CYTH3: variants seen among roughly 807,000 people sequenced by gnomAD.
CYTH3 encodes cytohesin 3, also known as cytohesin-3.
CYTH3 carries 23 observed loss-of-function variants against 55.1 expected under a neutral mutation model. The ratio of observed to expected loss-of-function variants is 0.42; its 90% CI spans 0.30 to 0.59. CYTH3 has a LOEUF of 0.59. Among genes scored for constraint, CYTH3 ranks in the 20% least tolerant of loss-of-function variants. CYTH3 has a pLI of 0.20. For synonymous variants in CYTH3, 249 were observed against 194.9 expected (o/e 1.28, Z -2.31); for missense variants, 413 against 524.8 (o/e 0.79, Z 2.08).
chr7:6,214,069 G>C (rs187633208), intron 1 of CYTH3, among the ~76,000 whole-genome samples: 168 of 152,220 alleles, frequency 1.1e-3, no homozygotes, highest in African/African-American at 3.9e-3. Context: ...GCCCATCTTG[G>C]ACCACACAAA....
chr7:6,196,522 C>A (rs565419956), intron 1 of CYTH3, among the ~76,000 whole-genome samples: 1 of 141,454 alleles, frequency 7.1e-6, no homozygotes, highest in African/African-American at 2.7e-5. Context: ...TGCAATGGCA[C>A]AATCTCAGCT....
intron 1 of CYTH3, among the ~76,000 whole-genome samples, chr7:6,240,773 T>C (rs71531368): frequency 0.051 from 7,714 of 152,166 alleles, 286 homozygotes; most frequent in Non-Finnish European, 0.077. Context: ...TTTATAATCT[T>C]AGAATGGCCT....
intron 6 of CYTH3, chr7:6,173,192 G>T: frequency 2.2e-6 from 1 of 447,538 alleles, no homozygotes; most frequent in Non-Finnish European, 3.0e-6. Context: ...CGTGCAGGAA[G>T]GGCAGCTCAA....
At chr7:6,272,389 C>A in intron 1 of CYTH3, 85 bp downstream of exon 1, 1 of 1,208,848 alleles carries the variant, frequency 8.3e-7, no homozygotes, top group South Asian at 2.5e-5. Context: ...CCGGCGAACC[C>A]CGGCCCAGCG....
chr7:6,165,149 T>G (rs1016277369), intron 12 of CYTH3, 124 bp downstream of exon 12: 8 of 1,553,264 alleles, frequency 5.2e-6, no homozygotes, highest in African/African-American at 1.4e-5. Flanking sequence ...AGCCCGGCCC[T>G]CTGGGGTTTC....
chr7:6,214,878 G>C (rs191942218), intron 1 of CYTH3, among the ~76,000 whole-genome samples: 2 of 152,148 alleles, frequency 1.3e-5, no homozygotes, highest in Admixed American at 6.5e-5. Context: ...CACAGGCAAA[G>C]AGCTGCCTAG....
chr7:6,228,793 T>C (rs1187492950), intron 1 of CYTH3, among the ~76,000 whole-genome samples: 2 of 152,230 alleles, frequency 1.3e-5, no homozygotes, highest in Non-Finnish European at 2.9e-5. Flanking sequence ...AATCCGCCCC[T>C]TTTTAAATAG....
intron 1 of CYTH3, among the ~76,000 whole-genome samples, chr7:6,263,221 C>T (rs926223996): frequency 1.3e-5 from 2 of 152,128 alleles, no homozygotes; most frequent in Non-Finnish European, 2.9e-5. Context: ...TATAAAGCAA[C>T]ACAAATTAAA....
At chr7:6,182,221 T>C (rs1783522501) in intron 4 of CYTH3, among the ~76,000 whole-genome samples, 1 of 152,166 alleles carries the variant, frequency 6.6e-6, no homozygotes, top group Non-Finnish European at 1.5e-5. Context: ...CTAATTTTTT[T>C]CTATTTTTAG....
chr7:6,170,119 G>C lies in CYTH3; in HGVS notation c.823+416C>G, dbSNP rs1783131512. On this transcript the variant is annotated intron_variant, in intron 9 of 12. Transcript: ENST00000350796. The surrounding 1 kb of genome is among the most constrained non-coding windows in gnomAD (Gnocchi z 7.8). ...AGCAGGGACAGCCCGTCACAGAACA[G>C]AAAGGTGGGAGCCACAGGCAGAAGG... 1 of 184,116 alleles carries C rather than the reference G, an allele frequency of 5.4e-6. No individual in the cohort carries two copies. 11.4% of individuals were successfully genotyped at this position (184,116 alleles called of 1,614,324 possible). A position where few individuals can be genotyped will look rare whatever the true frequency, so the allele number is the denominator to read the frequency against.
chr7:6,259,757 T>TTATATATATATATATAATA, intron 1 of CYTH3, among the ~76,000 whole-genome samples: 2 of 37,464 alleles, frequency 5.3e-5, no homozygotes, highest in East Asian at 1.2e-3. Flanking sequence ...TATATATATA[T>TTATATATATATATATAATA]TATATATATA....
intron 1 of CYTH3, among the ~76,000 whole-genome samples, chr7:6,223,524 T>C (rs187251773): frequency 4.7e-4 from 72 of 152,348 alleles, no homozygotes; most frequent in African/African-American, 1.6e-3. Context: ...TGTTAATCTA[T>C]AACCTTACCC....
chr7:6,203,401 G>A (rs983517878), intron 1 of CYTH3, among the ~76,000 whole-genome samples: 2 of 151,950 alleles, frequency 1.3e-5, no homozygotes, highest in Non-Finnish European at 2.9e-5. Context: ...ACTCCTTAAC[G>A]TTTCATGCAA....
At chr7:6,191,143 T>C (rs995537103) in intron 1 of CYTH3, among the ~76,000 whole-genome samples, 16 of 149,280 alleles carry the variant, frequency 1.1e-4, no homozygotes, top group African/African-American at 3.9e-4. Context: ...ACAAATAAAA[T>C]GATGACTATG....
At chr7:6,200,071 G>A (rs1447007204) in intron 1 of CYTH3, among the ~76,000 whole-genome samples, 1 of 152,114 alleles carries the variant, frequency 6.6e-6, no homozygotes, top group Non-Finnish European at 1.5e-5. Flanking sequence ...TTAATTTCAG[G>A]CAGTTTAAAA....
At chr7:6,235,931 G>T (rs183582719) in intron 1 of CYTH3, among the ~76,000 whole-genome samples, 2 of 152,328 alleles carry the variant, frequency 1.3e-5, no homozygotes, top group East Asian at 1.9e-4. Context: ...TTGCTGTAAA[G>T]AAATTATTTT....
At chr7:6,227,471 AAACT>A (rs1369587661) in intron 1 of CYTH3, among the ~76,000 whole-genome samples, 16 of 152,210 alleles carry the variant, frequency 1.1e-4, no homozygotes, top group Admixed American at 9.8e-4. Context: ...AAAAATCATT[AAACT>A]AAGAATAGAA....
At chr7:6,176,903 T>G (rs1783365766) in intron 5 of CYTH3, among the ~76,000 whole-genome samples, 1 of 152,214 alleles carries the variant, frequency 6.6e-6, no homozygotes, top group African/African-American at 2.4e-5. Context: ...TGTCTTAGCT[T>G]TTTAAGTGTT....
chr7:6,168,640 G>A (rs758967639), intron 9 of CYTH3, among the ~76,000 whole-genome samples: 14 of 152,318 alleles, frequency 9.2e-5, no homozygotes, highest in South Asian at 8.3e-4. Flanking sequence ...GGGCCCCTGC[G>A]CTTGGCACCC....
Sources: gnomAD v4.1 joint callset for allele counts (sites outside exome capture counted in the v4.1 genomes callset) on GRCh38, gnomAD v4.1.1 for gene constraint, Gnocchi (gnomAD v3.1) non-coding constraint, MANE v1.5 for transcripts, NCBI Gene and HGNC (gene_info 2026-07-23, HGNC 2026-07-21) for gene names.